Variants in RUNDC3B observed in about 807,000 individuals in gnomAD.
The protein encoded by RUNDC3B is RUN domain containing 3B.
RUNDC3B carries 33 observed loss-of-function variants against 58.4 expected under a neutral mutation model. The observed-to-expected ratio is 0.56, with a 90% CI of 0.43 to 0.75. RUNDC3B has a LOEUF of 0.75. Among genes scored for constraint, RUNDC3B ranks in the 30% least tolerant of loss-of-function variants. The pLI is 0.00. For missense variants in RUNDC3B, 501 were observed against 535.7 expected (o/e 0.94, Z 0.64); for synonymous variants, 193 against 195.2 (o/e 0.99, Z 0.10).
intron 3 of RUNDC3B, among the ~76,000 whole-genome samples, chr7:87,706,842 C>T (rs2130725948): frequency 6.6e-6 from 1 of 152,206 alleles, no homozygotes; most frequent in African/African-American, 2.4e-5. Flanking sequence ...ATCTGTAGCT[C>T]AAAGCAAAGT....
intron 8 of RUNDC3B, among the ~76,000 whole-genome samples, chr7:87,780,480 C>T (rs1834865593): frequency 6.6e-6 from 1 of 151,836 alleles, no homozygotes; most frequent in South Asian, 2.1e-4. Context: ...GATTTAAGTT[C>T]CTTACAGGTT....
intron 6 of RUNDC3B, among the ~76,000 whole-genome samples, chr7:87,760,100 C>T (rs575723964): frequency 1.3e-5 from 2 of 149,934 alleles, no homozygotes; most frequent in Non-Finnish European, 1.5e-5. Flanking sequence ...GTGTTTTTAG[C>T]CTATTCACAC....
chr7:87,648,580 A>G (rs756628281), intron 1 of RUNDC3B, among the ~76,000 whole-genome samples: 11 of 152,204 alleles, frequency 7.2e-5, no homozygotes, highest in Non-Finnish European at 1.5e-4. Context: ...ATAAATGAGA[A>G]GAATGAGGCA....
At position 87,703,897 on chromosome 7, in the gene RUNDC3B, T is replaced by C. The variant is rs1356526298; in HGVS notation, c.372+3343T>C. On this transcript the variant is annotated intron_variant, in intron 3 of 10. Transcript: ENST00000394654. ...TTATCAGTTTTTTCTTTTTTTTTTT[T>C]TTTTTTTTTTTTTTTGGTTTTTTTT... Among the ~76,000 whole-genome samples the C allele has an allele frequency of 6.5e-4, 73 of 112,698 alleles. No individual in the cohort carries two copies. The East Asian group carries it at 0.018, about 28-fold the overall frequency. The allele number at this position is 112,698 out of a possible 152,430, so 73.9% of individuals were successfully genotyped here. A position where few individuals can be genotyped will look rare whatever the true frequency, so the allele number is the denominator to read the frequency against.
At chr7:87,757,356 A>T (rs1022707348) in intron 6 of RUNDC3B, among the ~76,000 whole-genome samples, 2 of 152,190 alleles carry the variant, frequency 1.3e-5, no homozygotes, top group Non-Finnish European at 2.9e-5. Flanking sequence ...TACAAAATCA[A>T]CATAGGAAAA....
chr7:87,718,596 A>C (rs1047554766), intron 4 of RUNDC3B, among the ~76,000 whole-genome samples: 1 of 152,152 alleles, frequency 6.6e-6, no homozygotes, highest in African/African-American at 2.4e-5. Flanking sequence ...TCATACATCT[A>C]AAAGTAAAAA....
At chr7:87,679,607 C>A (rs948942534) in intron 2 of RUNDC3B, among the ~76,000 whole-genome samples, 4 of 150,120 alleles carry the variant, frequency 2.7e-5, no homozygotes, top group African/African-American at 9.9e-5. Context: ...CCTGGCTGGT[C>A]TCGAACTACT....
chr7:87,640,808 C>G (rs1023081858), intron 1 of RUNDC3B, among the ~76,000 whole-genome samples: 4 of 152,062 alleles, frequency 2.6e-5, no homozygotes, highest in African/African-American at 7.2e-5. Flanking sequence ...TATGCTTTGT[C>G]TATTCTACTG....
intron 1 of RUNDC3B, among the ~76,000 whole-genome samples, chr7:87,639,323 A>G (rs1287126463): frequency 6.6e-6 from 1 of 152,204 alleles, no homozygotes; most frequent in Non-Finnish European, 1.5e-5. Flanking sequence ...GTATATGGTT[A>G]ATTTCAACAT....
At chr7:87,702,393 C>T (rs974619142) in intron 3 of RUNDC3B, among the ~76,000 whole-genome samples, 4 of 151,922 alleles carry the variant, frequency 2.6e-5, no homozygotes, top group African/African-American at 9.7e-5. Context: ...ATCCTCCAAC[C>T]TCAGCTTCCT....
At position 87,831,131 on chromosome 7, in the gene RUNDC3B, A is replaced by G. The variant is rs1838107268; in HGVS notation, c.*1101A>G. On this transcript the variant is annotated 3_prime_UTR_variant, in exon 11 of 11. Transcript: ENST00000394654. ...CTTTTTTTTTTTTGCAATTTTTGAA[A>G]CAGCTACATTAATCCCTAAAAATCC... 6.6e-6 allele frequency: 1 copy of G among 151,086 alleles called. No individual in the cohort carries two copies. Among genetic ancestry groups the G allele is most frequent in the Non-Finnish European group, 1.5e-5 (1 of 67,682 alleles). 9.4% of individuals were successfully genotyped at this position (151,086 alleles called of 1,614,324 possible).
At chr7:87,639,662 A>C (rs577165639) in intron 1 of RUNDC3B, among the ~76,000 whole-genome samples, 1 of 152,262 alleles carries the variant, frequency 6.6e-6, no homozygotes, top group East Asian at 1.9e-4. Context: ...TAATAATGCT[A>C]GTGCCTTAAA....
chr7:87,744,408 G>A (rs1584077076), intron 6 of RUNDC3B, among the ~76,000 whole-genome samples: 1 of 152,230 alleles, frequency 6.6e-6, no homozygotes, highest in East Asian at 1.9e-4. Context: ...TGGTAGTATG[G>A]TCATTATTCA....
intron 8 of RUNDC3B, among the ~76,000 whole-genome samples, chr7:87,799,841 G>A (rs965760568): frequency 3.4e-5 from 5 of 147,964 alleles, no homozygotes; most frequent in East Asian, 2.0e-4. Context: ...AGCCAAGATC[G>A]TGCCACTGCA....
chr7:87,666,450 T>C (rs1288439246), intron 2 of RUNDC3B, among the ~76,000 whole-genome samples: 2 of 152,198 alleles, frequency 1.3e-5, no homozygotes, highest in East Asian at 3.8e-4. Flanking sequence ...GTCTCTTTAC[T>C]CTGTGGATAG....
chr7:87,756,421 G>T (rs1377908363), intron 6 of RUNDC3B, among the ~76,000 whole-genome samples: 1 of 151,926 alleles, frequency 6.6e-6, no homozygotes, highest in African/African-American at 2.4e-5. Context: ...CTATAAAGAT[G>T]ATGTCAGGTT....
chr7:87,800,129 A>G (rs1302043229), intron 8 of RUNDC3B, among the ~76,000 whole-genome samples: 1 of 152,162 alleles, frequency 6.6e-6, no homozygotes, highest in Non-Finnish European at 1.5e-5. Context: ...CAGATGTTAC[A>G]TCCTTAGATT....
chr7:87,715,245 T>TAA (rs1476206590), intron 4 of RUNDC3B, among the ~76,000 whole-genome samples: 1 of 136,648 alleles, frequency 7.3e-6, no homozygotes, highest in Non-Finnish European at 1.5e-5. Flanking sequence ...TTTATATATA[T>TAA]AATTATATTA....
intron 2 of RUNDC3B, among the ~76,000 whole-genome samples, chr7:87,699,870 GGGTAGGT>G (rs1182552402): frequency 6.6e-6 from 1 of 152,150 alleles, no homozygotes; most frequent in East Asian, 1.9e-4. Flanking sequence ...GAGAATGGTT[GGGTAGGT>G]GGTTATGCAT....
Sources: allele counts gnomAD v4.1 joint callset (sites outside exome capture counted in the v4.1 genomes callset), GRCh38; gene constraint gnomAD v4.1.1; transcripts MANE v1.5; gene names NCBI Gene and HGNC (gene_info 2026-07-23, HGNC 2026-07-21).